The following GRAMD2B variants were observed in gnomAD, a reference collection of about 807,000 sequenced individuals.
The protein encoded by GRAMD2B is GRAM domain-containing protein 2B.
Under a neutral mutation model 59.2 loss-of-function variants are expected in GRAMD2B, and 41 were observed. That is an observed-to-expected ratio of 0.69 (90% CI 0.54 to 0.90). GRAMD2B has a LOEUF of 0.90. Ranked by LOEUF, GRAMD2B falls within the 40% of genes least tolerant of loss-of-function variation. The pLI, the probability that GRAMD2B is intolerant of heterozygous loss-of-function variation, is 0.00. For missense variants in GRAMD2B, 424 were observed against 500.5 expected (o/e 0.85, Z 1.46); for synonymous variants, 161 against 182.7 (o/e 0.88, Z 0.96).
chr5:126,420,557 G>A (rs57479027), upstream of GRAMD2B, among the ~76,000 whole-genome samples: 3,387 of 152,242 alleles, frequency 0.022, 126 homozygotes, highest in African/African-American at 0.077. Context: ...CTTATACCAT[G>A]CACTAAAGAA....
chr5:126,412,878 G>T (rs1758938385), intron 1 of GRAMD2B, among the ~76,000 whole-genome samples: 1 of 151,894 alleles, frequency 6.6e-6, no homozygotes, highest in South Asian at 2.1e-4. Flanking sequence ...ATCCTCTAGA[G>T]TTTAGTTTAT....
intron 1 of GRAMD2B, among the ~76,000 whole-genome samples, chr5:126,407,829 T>C (rs1758391340): frequency 6.6e-6 from 1 of 152,090 alleles, no homozygotes; most frequent in African/African-American, 2.4e-5. Context: ...CAATAATGGA[T>C]ATGAATTGCG....
At chr5:126,460,722 A>G (rs1767193874) in intron 1 of GRAMD2B, among the ~76,000 whole-genome samples, 1 of 152,174 alleles carries the variant, frequency 6.6e-6, no homozygotes, top group African/African-American at 2.4e-5. Flanking sequence ...TCCAAAAACA[A>G]GCGTCTATGA....
At chr5:126,474,801 G>A (rs893473951) in intron 5 of GRAMD2B, among the ~76,000 whole-genome samples, 2 of 152,228 alleles carry the variant, frequency 1.3e-5, no homozygotes, top group African/African-American at 4.8e-5. Context: ...GTTAGAAGGA[G>A]TGACCCTGGT....
chr5:126,371,239 A>C, upstream of GRAMD2B: 1 of 966,672 alleles, frequency 1.0e-6, no homozygotes, highest in Non-Finnish European at 1.3e-6. Flanking sequence ...GGTAGGATGA[A>C]AACCGCCCTG....
chr5:126,396,978 T>C (rs1757410531), intron 1 of GRAMD2B, among the ~76,000 whole-genome samples: 1 of 152,238 alleles, frequency 6.6e-6, no homozygotes, highest in African/African-American at 2.4e-5. Context: ...TGTCTTCTTT[T>C]GAAAAGTGTC....
intron 1 of GRAMD2B, among the ~76,000 whole-genome samples, chr5:126,427,919 AT>A (rs574155046): frequency 8.6e-5 from 13 of 150,800 alleles, no homozygotes; most frequent in African/African-American, 1.5e-4. Context: ...TGTGCATATA[AT>A]TTTTTTTTTA....
At chr5:126,401,703 T>C (rs1476379277) in intron 1 of GRAMD2B, among the ~76,000 whole-genome samples, 2 of 152,120 alleles carry the variant, frequency 1.3e-5, no homozygotes, top group African/African-American at 4.8e-5. Context: ...AGGAGTGTTT[T>C]ATGGAAACAT....
chr5:126,444,618 T>G (rs531750889), intron 1 of GRAMD2B, among the ~76,000 whole-genome samples: 1 of 152,366 alleles, frequency 6.6e-6, no homozygotes, highest in African/African-American at 2.4e-5. Context: ...ACAGAATTGT[T>G]ACAAACCTTG....
At chr5:126,435,390 T>C (rs943860874) in intron 1 of GRAMD2B, among the ~76,000 whole-genome samples, 16 of 152,106 alleles carry the variant, frequency 1.1e-4, no homozygotes, top group African/African-American at 3.9e-4. Flanking sequence ...AAGGATAGGA[T>C]ACTTGAAAGT....
chr5:126,409,777 G>T (rs1293920578), intron 1 of GRAMD2B, among the ~76,000 whole-genome samples: 2 of 152,096 alleles, frequency 1.3e-5, no homozygotes, highest in South Asian at 4.1e-4. Flanking sequence ...CCTATGTCCT[G>T]AATGGTAATG....
chr5:126,431,486 G>A (rs1490348786), intron 1 of GRAMD2B, among the ~76,000 whole-genome samples: 1 of 152,180 alleles, frequency 6.6e-6, no homozygotes, highest in Non-Finnish European at 1.5e-5. Flanking sequence ...AATTGTGACT[G>A]AGCCATCCTG....
chr5:126,450,678 A>G (rs1295334389), intron 1 of GRAMD2B, among the ~76,000 whole-genome samples: 1 of 128,152 alleles, frequency 7.8e-6, no homozygotes, highest in Non-Finnish European at 1.7e-5. Context: ...AAAAAAAAAA[A>G]TGTTGCTCAC....
rs73785305 is a variant in GRAMD2B, at chr5:126,453,812, C to G, written c.84-11614C>G. Among the ~76,000 whole-genome samples the G allele has an allele frequency of 8.4e-3, 1,277 of 152,292 alleles. 27 individuals are homozygous for G. The highest frequency in any genetic ancestry group is 0.029 in the African/African-American group (1,203 of 41,564). On this transcript the variant is annotated intron_variant, in intron 1 of 13. Coordinates refer to ENST00000285689, the MANE Select transcript of GRAMD2B (RefSeq NM_023927.4). ...TGGCCTTTTTCTCTTGCTCCCACCC[C>G]CTCTTCCAAAACTTGTCAGCCACAC...
intron 1 of GRAMD2B, among the ~76,000 whole-genome samples, chr5:126,463,439 T>G (rs1202180522): frequency 6.6e-6 from 1 of 152,244 alleles, no homozygotes; most frequent in Non-Finnish European, 1.5e-5. Flanking sequence ...TTAAGGCCTC[T>G]TAACTATTCT....
chr5:126,459,301 G>T (rs969510704), intron 1 of GRAMD2B, among the ~76,000 whole-genome samples: 2 of 151,952 alleles, frequency 1.3e-5, no homozygotes, highest in South Asian at 2.1e-4. Context: ...TTGAAATGGG[G>T]TCTCTCTATG....
intron 1 of GRAMD2B, among the ~76,000 whole-genome samples, chr5:126,391,931 T>C (rs555052950): frequency 1.3e-5 from 2 of 152,338 alleles, no homozygotes; most frequent in South Asian, 4.1e-4. Flanking sequence ...AAACTATTAT[T>C]TTTTAAAAGG....
intron 13 of GRAMD2B, among the ~76,000 whole-genome samples, chr5:126,492,702 C>T (rs1774167833): frequency 2.0e-5 from 3 of 152,076 alleles, no homozygotes; most frequent in Non-Finnish European, 4.4e-5. Flanking sequence ...GCCTGGGTGA[C>T]AGAGCGAGAC....
intron 1 of GRAMD2B, among the ~76,000 whole-genome samples, chr5:126,445,040 T>A (rs1763956937): frequency 6.6e-6 from 1 of 152,250 alleles, no homozygotes. Context: ...GTCTTTTTTA[T>A]GGATGCGTAG....
Sources: gnomAD v4.1 joint callset for allele counts (sites outside exome capture counted in the v4.1 genomes callset) on GRCh38, gnomAD v4.1.1 for gene constraint, MANE v1.5 for transcripts, NCBI Gene and HGNC (gene_info 2026-07-23, HGNC 2026-07-21) for gene names.